Variants in ATG7 observed in about 807,000 individuals in gnomAD.
The protein encoded by ATG7 is ubiquitin-like modifier-activating enzyme ATG7.
In ATG7, 70 loss-of-function variants were observed where a neutral mutation model predicts 82.4. That is an observed-to-expected ratio of 0.85 (90% CI 0.70 to 1.04). ATG7 has a LOEUF of 1.04. Ranked by LOEUF, ATG7 falls within the 50% of genes least tolerant of loss-of-function variation. The pLI is 0.00. For synonymous variants in ATG7, 287 were observed against 313.0 expected (o/e 0.92, Z 0.88); for missense variants, 792 against 864.3 (o/e 0.92, Z 1.05).
chr3:11,504,729 G>T (rs898554133), intron 20 of ATG7, among the ~76,000 whole-genome samples: 2 of 152,214 alleles, frequency 1.3e-5, no homozygotes, highest in African/African-American at 4.8e-5. Flanking sequence ...AGAAAAGACA[G>T]TTGTTAATTC....
At chr3:11,339,811 A>G (rs181637658) in intron 11 of ATG7, among the ~76,000 whole-genome samples, 213 of 152,380 alleles carry the variant, frequency 1.4e-3, no homozygotes, top group African/African-American at 4.9e-3. Flanking sequence ...GCCAAATCAA[A>G]TCACGTGGGT....
chr3:11,485,496 G>T (rs575082048), intron 20 of ATG7, among the ~76,000 whole-genome samples: 3 of 152,250 alleles, frequency 2.0e-5, no homozygotes, highest in East Asian at 1.9e-4. Context: ...TGGGTTGCCT[G>T]TTCACTCTGA....
intron 20 of ATG7, among the ~76,000 whole-genome samples, chr3:11,493,894 T>G (rs58525374): frequency 0.018 from 2,748 of 152,278 alleles, 86 homozygotes; most frequent in African/African-American, 0.063. Context: ...CACTGCAGAT[T>G]ACTACACTTA....
chr3:11,377,238 A>C (rs1293276127), intron 18 of ATG7, among the ~76,000 whole-genome samples: 3 of 152,198 alleles, frequency 2.0e-5, no homozygotes, highest in Non-Finnish European at 4.4e-5. Context: ...AACTGGAATT[A>C]TTTTGGTTAA....
intron 19 of ATG7, among the ~76,000 whole-genome samples, chr3:11,423,926 G>A (rs2082148364): frequency 6.6e-6 from 1 of 152,156 alleles, no homozygotes; most frequent in Admixed American, 6.5e-5. Context: ...CCTGACCAGA[G>A]GCGTCAGATT....
At chr3:11,359,575 G>A (rs553863328) in intron 15 of ATG7, among the ~76,000 whole-genome samples, 1 of 151,996 alleles carries the variant, frequency 6.6e-6, no homozygotes, top group Non-Finnish European at 1.5e-5. Flanking sequence ...GCACACCCGT[G>A]CTCCCAGCTA....
At chr3:11,284,932 C>T (rs1316719253) in intron 3 of ATG7, among the ~76,000 whole-genome samples, 5 of 151,132 alleles carry the variant, frequency 3.3e-5, no homozygotes, top group African/African-American at 9.8e-5. Context: ...CTGCAAGCTC[C>T]GCCTCCCGGG....
rs570412903 is a variant in ATG7 at position 11,323,131 on chromosome 3, A to C, written c.678+7638A>C. On this transcript the variant is annotated intron_variant, in intron 9 of 20. Transcript: ENST00000693202. Reference sequence around the variant, plus strand: ...TTAGAACATGTTAAGGTTCATAATCAGTGGTGTGCTGGTAAATGTTTAACA... The same window carrying C: ...TTAGAACATGTTAAGGTTCATAATCCGTGGTGTGCTGGTAAATGTTTAACA... Among the ~76,000 whole-genome samples, 6 of 152,340 alleles carry C rather than the reference A, an allele frequency of 3.9e-5. No homozygotes were observed. The South Asian group carries it at 1.2e-3, about 32-fold the overall frequency.
chr3:11,328,808 C>T (rs1351331865), intron 9 of ATG7, among the ~76,000 whole-genome samples: 1 of 152,190 alleles, frequency 6.6e-6, no homozygotes, highest in East Asian at 1.9e-4. Context: ...ATATTTAGGC[C>T]AGGCGCAGTG....
intron 20 of ATG7, among the ~76,000 whole-genome samples, chr3:11,497,315 C>A (rs1192420267): frequency 5.2e-5 from 7 of 135,290 alleles, no homozygotes; most frequent in Non-Finnish European, 1.6e-5. Context: ...AGTTTGAGGC[C>A]AGCCTGGTCA....
At chr3:11,300,676 A>T (rs1157225511) in intron 5 of ATG7, among the ~76,000 whole-genome samples, 1 of 152,166 alleles carries the variant, frequency 6.6e-6, no homozygotes, top group Admixed American at 6.5e-5. Context: ...TGGTTTAATG[A>T]CTTTTTGACT....
intron 20 of ATG7, among the ~76,000 whole-genome samples, chr3:11,466,363 C>G (rs1371903581): frequency 1.3e-5 from 2 of 152,220 alleles, no homozygotes; most frequent in Non-Finnish European, 2.9e-5. Context: ...TGCTTAGCTG[C>G]TAAAGATCAG....
chr3:11,305,567 G>T (rs554472751), intron 5 of ATG7, among the ~76,000 whole-genome samples: 1 of 152,258 alleles, frequency 6.6e-6, no homozygotes, highest in South Asian at 2.1e-4. Context: ...CTTCCCTCTG[G>T]GCTTAATCTT....
At chr3:11,474,947 G>A (rs2087963799) in intron 20 of ATG7, among the ~76,000 whole-genome samples, 2 of 152,080 alleles carry the variant, frequency 1.3e-5, no homozygotes, top group South Asian at 2.1e-4. Flanking sequence ...GGCAATAGAG[G>A]GAGCACGTGA....
chr3:11,477,268 G>T, intron 20 of ATG7: 1 of 1,248,126 alleles, frequency 8.0e-7, no homozygotes, highest in Non-Finnish European at 1.0e-6. Flanking sequence ...TGTTCCATAA[G>T]GTAGATGAAC....
In ATG7 at chr3:11,423,984, C is replaced by T. The variant is rs573183016; in HGVS notation, c.1957-2820C>T. 5.2e-4 allele frequency among the ~76,000 whole-genome samples: 79 copies of T among 152,334 alleles called. 2 individuals are homozygous for T. The South Asian group carries it at 0.016, about 32-fold the overall frequency. ...CAGTCAACCTCTCTTCTCCGACTCTCTGCACAGCTGGGCCTCAGGGTCACC... is the reference window on the plus strand; with the variant it reads ...CAGTCAACCTCTCTTCTCCGACTCTTTGCACAGCTGGGCCTCAGGGTCACC... On this transcript the variant is annotated intron_variant, in intron 19 of 20. Coordinates refer to ENST00000693202, the MANE Select transcript of ATG7 (RefSeq NM_001349232.2).
At position 11,551,327 on chromosome 3, in the gene ATG7, T is replaced by TCGCC. The variant is rs575190763; in HGVS notation, c.2080-3481_2080-3478dup. On this transcript the variant is annotated intron_variant, in intron 20 of 20. Coordinates refer to ENST00000693202, the MANE Select transcript of ATG7 (RefSeq NM_001349232.2). ...TTTTTCCACATAGCCTAGAACCAGC[T>TCGCC]CGCCCGGCTCCAGAAAACATTTGTT... Among the ~76,000 whole-genome samples the TCGCC allele has an allele frequency of 1.4e-4, 22 of 152,352 alleles. No homozygotes were observed. The South Asian group carries it at 4.3e-3, about 30-fold the overall frequency.
At chr3:11,459,767 A>T (rs1039933366) in intron 20 of ATG7, among the ~76,000 whole-genome samples, 1 of 152,252 alleles carries the variant, frequency 6.6e-6, no homozygotes, top group African/African-American at 2.4e-5. Context: ...AATTACAAAC[A>T]AGAGTGGCAA....
intron 20 of ATG7, among the ~76,000 whole-genome samples, chr3:11,461,500 G>GT (rs2152998876): frequency 6.6e-6 from 1 of 152,238 alleles, no homozygotes; most frequent in Admixed American, 6.5e-5. Context: ...TCAAAACCTC[G>GT]TTTTGCAGGT....
Sources: gnomAD v4.1 joint callset for allele counts (sites outside exome capture counted in the v4.1 genomes callset) on GRCh38, gnomAD v4.1.1 for gene constraint, MANE v1.5 for transcripts, NCBI Gene and HGNC (gene_info 2026-07-23, HGNC 2026-07-21) for gene names.